The following ABCB7 variants were observed in gnomAD, a reference collection of about 807,000 sequenced individuals.
ABCB7 encodes the protein iron-sulfur clusters transporter ABCB7, mitochondrial.
Under a neutral mutation model 54.4 loss-of-function variants are expected in ABCB7, and 7 were observed. That is an observed-to-expected ratio of 0.13 (90% confidence interval 0.07 to 0.24). The LOEUF is 0.24. Ranked by LOEUF, ABCB7 falls within the 10% of genes least tolerant of loss-of-function variation. The pLI is 1.00. For missense variants in ABCB7, 356 were observed against 570.4 expected, an observed-to-expected ratio of 0.62 and a Z score of 3.83; for synonymous variants, 218 against 207.1, an observed-to-expected ratio of 1.05 and a Z score of -0.45.
At chrX:75,065,269 T>C in intron 12 of ABCB7, 28 bp from the exon 13 acceptor site, 1 of 1,081,141 alleles carries the variant, frequency 9.2e-7, no homozygotes, top group Non-Finnish European at 1.3e-6. Flanking sequence ...AATGAATATA[T>C]ATCTATATCT....
chrX:75,115,760 G>C (rs2081811075), intron 1 of ABCB7, among the ~76,000 whole-genome samples: 1 of 106,760 alleles, frequency 9.4e-6, no homozygotes, highest in Admixed American at 1.0e-4. Flanking sequence ...GTCTAGTTCA[G>C]GCCATGATGC....
intron 1 of ABCB7, among the ~76,000 whole-genome samples, chrX:75,124,776 A>C (rs1214901986): frequency 1.8e-5 from 2 of 111,912 alleles, no homozygotes; most frequent in African/African-American, 6.5e-5. Context: ...GAGTACTTCT[A>C]ATATTCCTAA....
chrX:75,126,436 C>A (rs1192650417), intron 1 of ABCB7, among the ~76,000 whole-genome samples: 3 of 111,233 alleles, frequency 2.7e-5, no homozygotes, highest in Non-Finnish European at 5.7e-5. Flanking sequence ...GCACTAAATG[C>A]CCACATGAGA....
intron 1 of ABCB7, among the ~76,000 whole-genome samples, chrX:75,142,279 G>C (rs1052012270): frequency 2.7e-5 from 3 of 111,821 alleles, no homozygotes; most frequent in Admixed American, 9.5e-5. Flanking sequence ...ATTACTTGTA[G>C]TACCTAATAC....
chrX:75,080,536 C>T (rs1308502356), intron 4 of ABCB7, among the ~76,000 whole-genome samples: 1 of 111,352 alleles, frequency 9.0e-6, no homozygotes, highest in Admixed American at 9.5e-5. Context: ...AACTCCTGGG[C>T]TCAAGTGATC....
intron 4 of ABCB7, among the ~76,000 whole-genome samples, chrX:75,093,989 G>A (rs1020269135): frequency 4.2e-5 from 4 of 96,004 alleles, no homozygotes; most frequent in African/African-American, 1.7e-4. Flanking sequence ...AGCTTCATTT[G>A]TCTCTCCTTT....
chrX:75,128,973 C>T (rs2081955003), intron 1 of ABCB7, among the ~76,000 whole-genome samples: 1 of 111,717 alleles, frequency 9.0e-6, no homozygotes, highest in Non-Finnish European at 1.9e-5. Flanking sequence ...TGTAGAGAAA[C>T]TGGAATGCTT....
At position 75,125,426 on chromosome X, in the gene ABCB7, T is replaced by G. The variant is rs758755289; in HGVS notation, c.169-10595A>C. 8.9e-5 allele frequency among the ~76,000 whole-genome samples: 10 copies of G among 111,865 alleles called. No individual in the cohort carries two copies. In the South Asian group the frequency reaches 3.7e-3, roughly 42 times the overall value. ...TTGGCTTTGTAAATTTTAAATTCCT[T>G]TTGGCCTATCTATATCTAGTCTCTT... On this transcript the variant is annotated intron_variant, in intron 1 of 15. Coordinates refer to ENST00000373394, the MANE Select transcript of ABCB7 (RefSeq NM_001271696.3).
chrX:75,149,681 A>G (rs2082117501), intron 1 of ABCB7, among the ~76,000 whole-genome samples: 1 of 111,826 alleles, frequency 8.9e-6, no homozygotes, highest in Non-Finnish European at 1.9e-5. Context: ...TAGGCACATA[A>G]AATCTTATCT....
chrX:75,078,815 C>T (rs932867924), intron 4 of ABCB7, among the ~76,000 whole-genome samples: 1 of 111,527 alleles, frequency 9.0e-6, no homozygotes, highest in Admixed American at 9.5e-5. Context: ...ACTTATTTTG[C>T]ACCCTAAAAT....
chrX:75,148,346 AT>A (rs199505985), intron 1 of ABCB7, among the ~76,000 whole-genome samples: 183 of 109,873 alleles, frequency 1.7e-3, no homozygotes, highest in African/African-American at 4.3e-3. Context: ...AGCAAATTAA[AT>A]TTTTTTTGTT....
intron 15 of ABCB7, among the ~76,000 whole-genome samples, chrX:75,054,225 C>T (rs1194530952): frequency 8.9e-6 from 1 of 111,880 alleles, no homozygotes; most frequent in Admixed American, 9.5e-5. Context: ...TACTGGTATT[C>T]CTGGTAACAA....
At chrX:75,147,490 T>C (rs2082100309) in intron 1 of ABCB7, among the ~76,000 whole-genome samples, 1 of 111,312 alleles carries the variant, frequency 9.0e-6, no homozygotes, top group African/African-American at 3.3e-5. Context: ...TATGCAGCCA[T>C]AAAAAAGAAC....
intron 4 of ABCB7, among the ~76,000 whole-genome samples, chrX:75,079,285 G>A (rs1380872790): frequency 2.7e-5 from 3 of 111,487 alleles, no homozygotes; most frequent in African/African-American, 9.8e-5. Flanking sequence ...AAAAAGGTAA[G>A]AAATATGCCA....
intron 15 of ABCB7, among the ~76,000 whole-genome samples, chrX:75,058,517 G>A (rs1196810155): frequency 1.8e-5 from 2 of 111,711 alleles, no homozygotes; most frequent in Admixed American, 1.9e-4. Context: ...GAACACAGGA[G>A]GTGACAGATT....
chrX:75,104,165 T>C (rs1437434175), intron 3 of ABCB7, among the ~76,000 whole-genome samples: 1 of 101,691 alleles, frequency 9.8e-6, no homozygotes, highest in East Asian at 3.1e-4. Context: ...TTATGTTGAG[T>C]TTTTCTATGC....
intron 1 of ABCB7, among the ~76,000 whole-genome samples, chrX:75,140,011 T>G (rs1569247448): frequency 9.0e-6 from 1 of 111,490 alleles, no homozygotes; most frequent in Non-Finnish European, 1.9e-5. Flanking sequence ...CCAAAGTACA[T>G]AAAAGAAAAT....
chrX:75,112,261 T>G (rs778680455), intron 3 of ABCB7, among the ~76,000 whole-genome samples: 54 of 111,718 alleles, frequency 4.8e-4, no homozygotes, highest in Non-Finnish European at 9.4e-4. Context: ...ATATACTGAT[T>G]GGGTCAAGCC....
At chrX:75,110,908 C>G (rs1188302342) in intron 3 of ABCB7, among the ~76,000 whole-genome samples, 7 of 111,645 alleles carry the variant, frequency 6.3e-5, no homozygotes, top group Non-Finnish European at 1.3e-4. Context: ...AAATTCCAAG[C>G]AGCATTATTA....
Sources: allele counts gnomAD v4.1 joint callset (sites outside exome capture counted in the v4.1 genomes callset), GRCh38; gene constraint gnomAD v4.1.1; transcripts MANE v1.5; gene names NCBI Gene and HGNC (gene_info 2026-07-23, HGNC 2026-07-21).